SLC24A2: variants seen among roughly 807,000 people sequenced by gnomAD.
SLC24A2 encodes sodium/potassium/calcium exchanger 2.
In SLC24A2, 36 loss-of-function variants were observed where a neutral mutation model predicts 62.0. That is an observed-to-expected ratio of 0.58 (90% CI 0.44 to 0.77). The LOEUF (loss-of-function observed/expected upper bound fraction) is 0.77, where lower values mean the gene tolerates loss of function less well. SLC24A2 is among the 30% of genes least tolerant of loss of function. The pLI, the probability that SLC24A2 is intolerant of heterozygous loss-of-function variation, is 0.00. For missense variants in SLC24A2, 846 were observed against 817.9 expected (o/e 1.03, Z -0.42); for synonymous variants, 358 against 294.0 (o/e 1.22, Z -2.23).
the SLC24A2 span, among the ~76,000 whole-genome samples, chr9:20,018,155 GC>G: frequency 6.6e-6 from 1 of 152,088 alleles, no homozygotes; most frequent in Non-Finnish European, 1.5e-5. Flanking sequence ...CACCATGTTA[GC>G]CAGGATGATT....
At chr9:19,794,830 C>A in the SLC24A2 span, among the ~76,000 whole-genome samples, 2 of 151,992 alleles carry the variant, frequency 1.3e-5, no homozygotes, top group African/African-American at 4.8e-5. Context: ...AAAGGCAGGA[C>A]AGCCCACTCG....
the SLC24A2 span, among the ~76,000 whole-genome samples, chr9:20,164,882 G>A: frequency 5.3e-4 from 80 of 150,444 alleles, no homozygotes; most frequent in Non-Finnish European, 7.8e-4. Flanking sequence ...ACTATCGCAA[G>A]AACAACAAAC....
chr9:20,028,639 G>A, the SLC24A2 span, among the ~76,000 whole-genome samples: 69 of 152,152 alleles, frequency 4.5e-4, no homozygotes, highest in East Asian at 2.1e-3. Context: ...TCGGGCTTCT[G>A]CCCCCGCCTT....
intron 2 of SLC24A2, among the ~76,000 whole-genome samples, chr9:19,751,700 A>T (rs1157911112): frequency 2.0e-5 from 3 of 152,168 alleles, no homozygotes; most frequent in African/African-American, 7.2e-5. Flanking sequence ...TGAGACTTGT[A>T]GGTGAGCAGA....
the SLC24A2 span, among the ~76,000 whole-genome samples, chr9:20,273,984 T>G: frequency 6.6e-6 from 1 of 152,238 alleles, no homozygotes; most frequent in Non-Finnish European, 1.5e-5. Flanking sequence ...ATGAGCCTTG[T>G]GATGGATGAG....
the SLC24A2 span, among the ~76,000 whole-genome samples, chr9:20,221,164 C>A: frequency 6.6e-6 from 1 of 151,918 alleles, no homozygotes; most frequent in Admixed American, 6.6e-5. Flanking sequence ...ATGCTAATTG[C>A]GATAAGTGCC....
At chr9:19,938,839 A>G in the SLC24A2 span, among the ~76,000 whole-genome samples, 1 of 152,210 alleles carries the variant, frequency 6.6e-6, no homozygotes, top group Non-Finnish European at 1.5e-5. Context: ...TGCTCCGCAC[A>G]TTTTACTTAA....
chr9:20,048,629 C>T, the SLC24A2 span, among the ~76,000 whole-genome samples: 9 of 152,080 alleles, frequency 5.9e-5, no homozygotes, highest in African/African-American at 1.2e-4. Context: ...AATCTGAAAC[C>T]GGCACTGAGA....
chr9:19,681,171 T>G (rs1819711999), intron 2 of SLC24A2, among the ~76,000 whole-genome samples: 1 of 152,044 alleles, frequency 6.6e-6, no homozygotes, highest in Non-Finnish European at 1.5e-5. Context: ...CTCTCTGACC[T>G]CACCTGCCTT....
chr9:20,178,473 A>G, the SLC24A2 span, among the ~76,000 whole-genome samples: 3 of 152,004 alleles, frequency 2.0e-5, no homozygotes, highest in East Asian at 3.9e-4. Flanking sequence ...TCTGATTTTA[A>G]CTCCTTGCTG....
At chr9:20,085,879 T>C in the SLC24A2 span, among the ~76,000 whole-genome samples, 1 of 152,240 alleles carries the variant, frequency 6.6e-6, no homozygotes, top group Non-Finnish European at 1.5e-5. Context: ...GTGTTTTTAC[T>C]GCTTTCCCTT....
the SLC24A2 span, among the ~76,000 whole-genome samples, chr9:19,921,040 G>A: frequency 4.2e-5 from 6 of 142,520 alleles, no homozygotes; most frequent in Admixed American, 4.3e-4. Context: ...TTAGAATAAT[G>A]TTGACTCATG....
the SLC24A2 span, among the ~76,000 whole-genome samples, chr9:20,257,816 T>C: frequency 5.3e-5 from 8 of 152,218 alleles, no homozygotes; most frequent in African/African-American, 1.9e-4. Context: ...TCCCATCCCC[T>C]GAGCCTCTGG....
At chr9:19,764,579 C>T (rs1295787045) in intron 2 of SLC24A2, among the ~76,000 whole-genome samples, 2 of 152,180 alleles carry the variant, frequency 1.3e-5, no homozygotes, top group East Asian at 3.9e-4. Context: ...CATTCAGGAG[C>T]AAGTTATTCA....
At chr9:19,545,158 C>T (rs954175112) in intron 8 of SLC24A2, among the ~76,000 whole-genome samples, 8 of 151,910 alleles carry the variant, frequency 5.3e-5, no homozygotes, top group African/African-American at 1.9e-4. Flanking sequence ...CTTGTCTTCT[C>T]ACTTCATTTC....
At chr9:20,293,431 T>C in the SLC24A2 span, among the ~76,000 whole-genome samples, 1 of 152,154 alleles carries the variant, frequency 6.6e-6, no homozygotes, top group Non-Finnish European at 1.5e-5. Context: ...TTTGGTGTCA[T>C]TGTAGGGAAC....
At chr9:19,760,573 G>A (rs1822289543) in intron 2 of SLC24A2, among the ~76,000 whole-genome samples, 1 of 151,688 alleles carries the variant, frequency 6.6e-6, no homozygotes, top group Admixed American at 6.6e-5. Context: ...ATGCCCATAT[G>A]TTCTCATTGT....
intron 2 of SLC24A2, among the ~76,000 whole-genome samples, chr9:19,711,416 T>C (rs1587199395): frequency 6.6e-6 from 1 of 152,180 alleles, no homozygotes; most frequent in Non-Finnish European, 1.5e-5. Context: ...AAAAGAAACC[T>C]GAAGCCACAA....
chr9:19,628,445 CA>C (rs1485414851), intron 2 of SLC24A2, among the ~76,000 whole-genome samples: 1 of 152,272 alleles, frequency 6.6e-6, no homozygotes, highest in Admixed American at 6.5e-5. Context: ...TACTAAGCAC[CA>C]GTGTTAATTC....
Sources: allele counts gnomAD v4.1 joint callset (sites outside exome capture counted in the v4.1 genomes callset), GRCh38; gene constraint gnomAD v4.1.1; transcripts MANE v1.5; gene names NCBI Gene and HGNC (gene_info 2026-07-23, HGNC 2026-07-21).